Variants in S1PR3 observed in about 807,000 individuals in gnomAD.
The protein encoded by S1PR3 is sphingosine 1-phosphate receptor 3.
A neutral mutation model predicts 13.3 loss-of-function variants in S1PR3; 12 were observed. That is an observed-to-expected ratio of 0.90 (90% CI 0.58 to 1.46). The LOEUF (loss-of-function observed/expected upper bound fraction) is 1.46, where lower values mean the gene tolerates loss of function less well. S1PR3 is among the 40% of genes most tolerant of loss of function. The probability of loss-of-function intolerance (pLI) is 0.00; values close to 1 mark genes in which losing one functional copy is unlikely to be tolerated. For synonymous variants in S1PR3, 232 were observed against 214.0 expected (o/e 1.08, Z -0.73); for missense variants, 450 against 501.9 (o/e 0.90, Z 0.99).
chr9:89,000,063 C>A (rs538798690), intron 1 of S1PR3: 1 of 152,176 alleles, frequency 6.6e-6, no homozygotes, highest in South Asian at 2.1e-4. Flanking sequence ...CCACTGAAAG[C>A]GGTTTCTACC....
upstream of S1PR3, chr9:88,990,880 C>T (rs1054179711): frequency 1.8e-5 from 23 of 1,294,740 alleles, no homozygotes; most frequent in Non-Finnish European, 2.2e-5. Flanking sequence ...GGAGAGGGAC[C>T]AGGCAGGCGC....
intron 1 of S1PR3, chr9:88,995,171 T>C (rs1372675716): frequency 6.0e-6 from 1 of 167,082 alleles, no homozygotes; most frequent in Non-Finnish European, 1.5e-5. Flanking sequence ...AACTAGTTAA[T>C]TTCCCTGGGA....
rs911398455 is a variant in S1PR3 at position 89,001,335 on chromosome 9, C to T, written c.135C>T (p.Leu45=). 4 of 1,614,198 alleles carry T rather than the reference C, an allele frequency of 2.5e-6. No homozygotes were observed. Among genetic ancestry groups the T allele is most frequent in the Non-Finnish European group, 3.4e-6 (4 of 1,180,048 alleles). ...AGGGCAGCACGCTCACCACCGTGCT[C>T]TTCTTGGTCATCTGCAGCTTCATCG... ...ASEGSTLTTV[L]FLVICSFIVL... is the part of the protein sequence containing the mutation. The change falls in exon 2 of 2, where the codon CTC becomes CTT. Residue 45 remains leucine (L), a synonymous_variant. Transcript: ENST00000358157.
chr9:88,997,470 A>G (rs950713686), intron 1 of S1PR3: 1 of 152,262 alleles, frequency 6.6e-6, no homozygotes, highest in Non-Finnish European at 1.5e-5. Context: ...CAGGACATGT[A>G]TAAAATGGTA....
At chr9:88,994,229 GAC>G (rs1825768870) in intron 1 of S1PR3, 3 of 167,158 alleles carry the variant, frequency 1.8e-5, no homozygotes, top group Non-Finnish European at 4.4e-5. Flanking sequence ...AAGGACAAGT[GAC>G]ACCCCCCCTC....
At position 88,991,820 on chromosome 9, in the gene S1PR3, C is replaced by G. The variant is rs764174450; in HGVS notation, c.-148+125C>G. ...GGGGACTTGGGCGCGCCACGGCGGCCGGAGCGCTCCACATCAGCACCCCTC... is the reference window on the plus strand; with the variant it reads ...GGGGACTTGGGCGCGCCACGGCGGCGGGAGCGCTCCACATCAGCACCCCTC... On this transcript the variant is annotated intron_variant, in intron 1 of 1. Coordinates refer to ENST00000358157, the MANE Select transcript of S1PR3 (RefSeq NM_005226.4). The surrounding 1 kb of genome is among the most constrained non-coding windows in gnomAD (Gnocchi z 4.0). 1 of 1,610,128 alleles carries G rather than the reference C, an allele frequency of 6.2e-7. No homozygotes were observed. Among genetic ancestry groups the G allele is most frequent in the African/African-American group, 1.3e-5 (1 of 74,868 alleles).
rs1423496488 is a variant in S1PR3 at position 89,005,146 on chromosome 9, G to C, written c.*2809G>C. The C allele has an allele frequency of 1.3e-5, 2 of 153,534 alleles. No individual in the cohort carries two copies. The highest frequency in any genetic ancestry group is 2.9e-5 in the Non-Finnish European group (2 of 68,048). The allele number at this position is 153,534 out of a possible 1,614,324, so 9.5% of individuals were successfully genotyped here. On this transcript the variant is annotated 3_prime_UTR_variant, in exon 2 of 2. Transcript: ENST00000358157. ...CATTTCAGGAATTAAACCACATTCA[G>C]AACCCCAAATAACCTTTCCCCTTTC...
chr9:88,991,447 T>G, upstream of S1PR3: 1 of 1,544,244 alleles, frequency 6.5e-7, no homozygotes, highest in Non-Finnish European at 8.7e-7. The surrounding 1 kb of genome is among the most constrained non-coding windows in gnomAD (Gnocchi z 4.0). Flanking sequence ...TGGAAAAGTT[T>G]AGTCTCTGAC....
Position 89,002,536 on chromosome 9 carries a change from G to C in S1PR3, c.*199G>C, listed in dbSNP as rs1825884532. 2 of 648,184 alleles carry C rather than the reference G, an allele frequency of 3.1e-6. No homozygotes were observed. The highest frequency in any genetic ancestry group is 5.4e-6 in the Non-Finnish European group (2 of 370,274). 40.2% of individuals were successfully genotyped at this position (648,184 alleles called of 1,614,324 possible). ...GTAAACAACGTGCCTTGTCCACTTT[G>C]GGCTCCAGAGTCTTTCAGATGTACT... On this transcript the variant is annotated 3_prime_UTR_variant, in exon 2 of 2. Coordinates refer to ENST00000358157, the MANE Select transcript of S1PR3 (RefSeq NM_005226.4).
upstream of S1PR3, chr9:88,991,106 G>C (rs1473898465): frequency 3.7e-6 from 6 of 1,612,924 alleles, no homozygotes; most frequent in African/African-American, 2.7e-5. The surrounding 1 kb of genome is among the most constrained non-coding windows in gnomAD (Gnocchi z 4.0). Flanking sequence ...CCCAGACCTC[G>C]GACCTGGTTC....
chr9:88,999,289 C>G (rs564985317), intron 1 of S1PR3: 1 of 152,468 alleles, frequency 6.6e-6, no homozygotes, highest in East Asian at 1.9e-4. Flanking sequence ...CACCACCAAG[C>G]TCCAGGACAC....
At position 88,991,577 on chromosome 9, in the gene S1PR3, C is replaced by G. The variant is rs894338611; in HGVS notation, c.-266C>G. The G allele has an allele frequency of 5.2e-6, 8 of 1,544,734 alleles. No individual in the cohort carries two copies. The highest frequency in any genetic ancestry group is 7.0e-6 in the Non-Finnish European group (8 of 1,145,196). On this transcript the variant is annotated 5_prime_UTR_variant, in exon 1 of 2. Coordinates refer to ENST00000358157, the MANE Select transcript of S1PR3 (RefSeq NM_005226.4). This position sits in a 1 kb window ranked among gnomAD's most constrained non-coding sequence, Gnocchi z 4.0. ...CCAGGCCCGGGAACGACGTCGCGAG[C>G]GCTGAGACTGCCGGGCCTCCCAGCC...
chr9:88,990,932 A>C (rs761659165), upstream of S1PR3: 52 of 1,596,488 alleles, frequency 3.3e-5, no homozygotes, highest in Non-Finnish European at 4.4e-5. Context: ...CCAAACAAAA[A>C]CGCTGTCCGG....
Position 89,002,069 on chromosome 9 carries a change from A to G in S1PR3, c.869A>G (p.Asn290Ser). Residue 290 changes from asparagine (N) to serine (S), a missense_variant, in exon 2 of 2, where the codon AAC becomes AGC. Coordinates refer to ENST00000358157, the MANE Select transcript of S1PR3 (RefSeq NM_005226.4). ...AQWFIVLAVL[N>S]SAMNPVIYTL... ...TGGTTCATCGTGTTGGCTGTGCTCA[A>G]CTCCGCCATGAACCCGGTCATCTAC... 1 of 1,613,656 alleles carries G rather than the reference A, an allele frequency of 6.2e-7. No individual in the cohort carries two copies. Among genetic ancestry groups the G allele is most frequent in the Non-Finnish European group, 8.5e-7 (1 of 1,179,964 alleles).
In S1PR3 at chr9:89,002,095, A is replaced by G; in HGVS notation, c.895A>G (p.Thr299Ala). 2.5e-6 allele frequency: 4 copies of G among 1,613,848 alleles called. No individual in the cohort carries two copies. Among genetic ancestry groups the G allele is most frequent in the Non-Finnish European group, 3.4e-6 (4 of 1,180,000 alleles). ...CTCCGCCATGAACCCGGTCATCTAC[A>G]CGCTGGCCAGCAAGGAGATGCGGCG... ...LNSAMNPVIY[T>A]LASKEMRRAF... The change falls in exon 2 of 2, where the codon ACG (threonine) becomes GCG (alanine). Residue 299 changes from threonine (T) to alanine (A), a missense_variant. Coordinates refer to ENST00000358157, the MANE Select transcript of S1PR3 (RefSeq NM_005226.4).
chr9:88,991,231 C>A, upstream of S1PR3: 16 of 1,564,312 alleles, frequency 1.0e-5, no homozygotes, highest in Non-Finnish European at 1.4e-5. This position sits in a 1 kb window ranked among gnomAD's most constrained non-coding sequence, Gnocchi z 4.0. Flanking sequence ...GAGCCGGACC[C>A]TAGGGGATTG....
In S1PR3 at chr9:88,995,123, T is replaced by G. The variant is rs374145344; in HGVS notation, c.-148+3428T>G. On this transcript the variant is annotated intron_variant, in intron 1 of 1. Transcript: ENST00000358157. ...TTGCTTTCCAAGAAATTTTGCTTGTTGGCATATGTTTGGTGTTTTGATTCA... is the reference window on the plus strand; with the variant it reads ...TTGCTTTCCAAGAAATTTTGCTTGTGGGCATATGTTTGGTGTTTTGATTCA... 36 of 167,248 alleles carry G rather than the reference T, an allele frequency of 2.2e-4. 1 individual carries two copies. In the East Asian group the frequency reaches 3.7e-3, roughly 17 times the overall value. The allele number at this position is 167,248 out of a possible 1,614,324, so 10.4% of individuals were successfully genotyped here. A position where few individuals can be genotyped will look rare whatever the true frequency, so the allele number is the denominator to read the frequency against.
rs778344408 is a variant in S1PR3 at position 89,001,705 on chromosome 9, G to T, written c.505G>T (p.Gly169Cys). Residue 169 changes from glycine to cysteine, a missense_variant, in exon 2 of 2, where the codon GGC becomes TGC. By Grantham distance (159) the Gly-to-Cys change is radical (BLOSUM62 -3). Coordinates refer to ENST00000358157, the MANE Select transcript of S1PR3 (RefSeq NM_005226.4). ...GMCWLIAFTL[G>C]ALPILGWNCL... ...GTGCTGGCTCATTGCCTTCACGCTG[G>T]GCGCCCTGCCCATTCTGGGCTGGAA... 1 of 1,614,180 alleles carries T rather than the reference G, an allele frequency of 6.2e-7. No homozygotes were observed.
At position 89,004,690 on chromosome 9, in the gene S1PR3, A is replaced by T. The variant is rs968480686; in HGVS notation, c.*2353A>T. 6.0e-6 allele frequency: 1 copy of T among 167,106 alleles called. No homozygotes were observed. The highest frequency in any genetic ancestry group is 1.5e-5 in the Non-Finnish European group (1 of 68,128). The allele number at this position is 167,106 out of a possible 1,614,324, so 10.4% of individuals were successfully genotyped here. On this transcript the variant is annotated 3_prime_UTR_variant, in exon 2 of 2. Coordinates refer to ENST00000358157, the MANE Select transcript of S1PR3 (RefSeq NM_005226.4). Reference sequence around the variant, plus strand: ...GGTATCAATATTTGTGGTATGACATAAGGCTCCCTTGAAATAACAAGACTT... The same window carrying T: ...GGTATCAATATTTGTGGTATGACATTAGGCTCCCTTGAAATAACAAGACTT...
Sources: allele counts gnomAD v4.1 joint callset, GRCh38; gene constraint gnomAD v4.1.1; non-coding constraint Gnocchi (gnomAD v3.1); transcripts MANE v1.5; gene names NCBI Gene and HGNC (gene_info 2026-07-23, HGNC 2026-07-21).